CENPO: variants seen among roughly 807,000 people sequenced by gnomAD.
CENPO encodes centromeric protein O.
CENPO carries 30 observed loss-of-function variants against 36.1 expected under a neutral mutation model. That is an observed-to-expected ratio of 0.83 (90% CI 0.62 to 1.13). CENPO has a LOEUF of 1.13. Ranked by LOEUF, CENPO falls within the 50% of genes most tolerant of loss-of-function variation. The pLI, the probability that CENPO is intolerant of heterozygous loss-of-function variation, is 0.00. For synonymous variants in CENPO, 171 were observed against 142.3 expected (o/e 1.20, Z -1.44); for missense variants, 349 against 357.8 (o/e 0.98, Z 0.20).
At chr2:24,793,709 C>A in intron 1 of CENPO, 143 bp from the exon 2 acceptor site, 1 of 964,606 alleles carries the variant, frequency 1.0e-6, no homozygotes, top group Non-Finnish European at 1.6e-6. Flanking sequence ...TGGGAGAGGG[C>A]GGGCGGCTCA....
chr2:24,814,323 G>A (rs569435409), intron 3 of CENPO, 53 bp from the exon 4 acceptor site: 1 of 862,012 alleles, frequency 1.2e-6, no homozygotes, highest in South Asian at 1.3e-5. Flanking sequence ...GGAGGGCGGG[G>A]ATGTTGTAGT....
chr2:24,806,037 C>T (rs1445429939), intron 3 of CENPO, among the ~76,000 whole-genome samples: 1 of 152,212 alleles, frequency 6.6e-6, no homozygotes, highest in Non-Finnish European at 1.5e-5. Context: ...GCGCCCCTCC[C>T]CCAGCCTTGC....
intron 3 of CENPO, 22 bp downstream of exon 3, chr2:24,799,866 G>C (rs760424540): frequency 6.2e-7 from 1 of 1,611,316 alleles, no homozygotes; most frequent in South Asian, 1.1e-5. Context: ...GGTGGTATCA[G>C]CAGTTCCTTT....
At position 24,821,740 on chromosome 2, in the gene CENPO, C is replaced by A. The variant is rs1004633721; in HGVS notation, c.*2422C>A. On this transcript the variant is annotated 3_prime_UTR_variant, in exon 8 of 8. Coordinates refer to ENST00000380834, the MANE Select transcript of CENPO (RefSeq NM_001322101.2). ...GTGTTCTGGGGGTGGATTCCCTACACCTAGATGTTCAAGGCCTTACTTTTC... is the reference window on the plus strand; with the variant it reads ...GTGTTCTGGGGGTGGATTCCCTACAACTAGATGTTCAAGGCCTTACTTTTC... 1 of 1,511,922 alleles carries A rather than the reference C, an allele frequency of 6.6e-7. No homozygotes were observed. Among genetic ancestry groups the A allele is most frequent in the East Asian group, 2.3e-5 (1 of 43,670 alleles). The allele number at this position is 1,511,922 out of a possible 1,614,324, so 93.7% of individuals were successfully genotyped here. A position where few individuals can be genotyped will look rare whatever the true frequency, so the allele number is the denominator to read the frequency against.
chr2:24,819,148 TAA>T (rs1279423928), intron 7 of CENPO: 1 of 152,642 alleles, frequency 6.6e-6, no homozygotes, highest in African/African-American at 2.4e-5. Context: ...TAAGTGATAT[TAA>T]CAGAATTTCC....
At chr2:24,814,757 G>T (rs11125797) in intron 4 of CENPO, 77,388 of 409,624 alleles carry the variant, frequency 0.19, 8,177 homozygotes, top group Non-Finnish European at 0.22. Flanking sequence ...TTAACAGTTC[G>T]TCATGTGCCA....
intron 3 of CENPO, among the ~76,000 whole-genome samples, chr2:24,807,269 TCCTAGTCTTCTCTTAAGTCTTCTCTTAAG>T (rs1432126442): frequency 6.6e-6 from 1 of 151,974 alleles, no homozygotes; most frequent in Non-Finnish European, 1.5e-5. Flanking sequence ...GTTTGCCTCT[TCCTAGTCTTCTCTTAAGTCTTCTCTTAAG>T]GTACCCACTA....
chr2:24,820,699 GT>G lies in CENPO; in HGVS notation c.*1382del, dbSNP rs781240748. On this transcript the variant is annotated 3_prime_UTR_variant, in exon 8 of 8. Coordinates refer to ENST00000380834, the MANE Select transcript of CENPO (RefSeq NM_001322101.2). ...TTGTTCTCATGCCGAGTCTGAGCAC[GT>G]GCCAGCTGTGCCACTGGACATACCT... 9.9e-6 allele frequency: 16 copies of G among 1,613,382 alleles called. No individual in the cohort carries two copies. Among genetic ancestry groups the G allele is most frequent in the South Asian group, 2.2e-5 (2 of 91,008 alleles).
intron 2 of CENPO, among the ~76,000 whole-genome samples, chr2:24,798,128 C>T (rs1665992517): frequency 6.6e-6 from 1 of 152,092 alleles, no homozygotes; most frequent in South Asian, 2.1e-4. Flanking sequence ...AGTCCCAAAA[C>T]GTTCGGATAC....
In CENPO at chr2:24,820,856, A is replaced by G; in HGVS notation, c.*1538A>G. ...CCCCGCCTTTGTTCATGCCTAGGGT[A>G]GAGGCATAAAGTTCAGCACAGCCAC... On this transcript the variant is annotated 3_prime_UTR_variant, in exon 8 of 8. Coordinates refer to ENST00000380834, the MANE Select transcript of CENPO (RefSeq NM_001322101.2). 6 of 1,613,556 alleles carry G rather than the reference A, an allele frequency of 3.7e-6. No individual in the cohort carries two copies. The highest frequency in any genetic ancestry group is 5.1e-6 in the Non-Finnish European group (6 of 1,179,652).
In CENPO at chr2:24,822,256, A is replaced by AG; in HGVS notation, c.*2943dup. On this transcript the variant is annotated 3_prime_UTR_variant, in exon 8 of 8. Transcript: ENST00000380834. ...AGTTCCTATGAAAGCACAGAGCCTT[A>AG]GGGGGCCTGGCCACAGAACACAACC... 5.2e-6 allele frequency: 2 copies of AG among 387,016 alleles called. No homozygotes were observed. The highest frequency in any genetic ancestry group is 4.7e-6 in the Non-Finnish European group (1 of 214,366). 24.0% of individuals were successfully genotyped at this position (387,016 alleles called of 1,614,324 possible). A position where few individuals can be genotyped will look rare whatever the true frequency, so the allele number is the denominator to read the frequency against.
chr2:24,793,523 A>G, intron 1 of CENPO, 22 bp downstream of exon 1: 2 of 1,574,794 alleles, frequency 1.3e-6, no homozygotes, highest in Non-Finnish European at 1.7e-6. Context: ...GGGAGAAGGT[A>G]GGGGAAAGAC....
At position 24,816,643 on chromosome 2, in the gene CENPO, T is replaced by TA; in HGVS notation, c.595-2dup. The TA allele has an allele frequency of 3.7e-6, 6 of 1,602,856 alleles. No homozygotes were observed. The highest frequency in any genetic ancestry group is 5.1e-6 in the Non-Finnish European group (6 of 1,174,808). On this transcript the variant is annotated splice_region_variant and splice_polypyrimidine_tract_variant and intron_variant, in intron 5 of 7. Coordinates refer to ENST00000380834, the MANE Select transcript of CENPO (RefSeq NM_001322101.2). The stretch of plus-strand genomic sequence containing the variant: ...ACTTCGTTTTGTTCCTCACCCCTCT[T>TA]AGAGTGACTTTGCAGCCCTCCTGAC...
rs574176915 is a variant in CENPO at position 24,799,710 on chromosome 2, G to T, written c.82G>T (p.Val28Leu). The T allele has an allele frequency of 1.2e-6, 2 of 1,614,022 alleles. No homozygotes were observed. The highest frequency in any genetic ancestry group is 2.7e-5 in the African/African-American group (2 of 75,020). The change falls in exon 3 of 8, where the codon GTG becomes TTG. Residue 28 changes from valine to leucine, a missense_variant. Coordinates refer to ENST00000380834, the MANE Select transcript of CENPO (RefSeq NM_001322101.2). Reference sequence around the variant, plus strand: ...TCACTTGGAAAGGCTAGAGACCCAAGTGAGCAGATCCCGTAAACAGTCTGA... The same window carrying T: ...TCACTTGGAAAGGCTAGAGACCCAATTGAGCAGATCCCGTAAACAGTCTGA... Reference protein sequence around the residue: ...LAHLERLETQVSRSRKQSEEL... With the variant: ...LAHLERLETQLSRSRKQSEEL...
chr2:24,797,187 A>G (rs984234033), intron 2 of CENPO, among the ~76,000 whole-genome samples: 1 of 152,220 alleles, frequency 6.6e-6, no homozygotes, highest in Non-Finnish European at 1.5e-5. Context: ...TGTATATTCA[A>G]TAGGATCTGG....
Position 24,799,894 on chromosome 2 carries a change from CG to C in CENPO, c.216+51del, listed in dbSNP as rs764489411. 1.3e-5 allele frequency: 21 copies of C among 1,584,044 alleles called. No homozygotes were observed. The East Asian group carries it at 4.7e-4, about 36-fold the overall frequency. On this transcript the variant is annotated intron_variant, in intron 3 of 7. Transcript: ENST00000380834. The stretch of plus-strand genomic sequence containing the variant: ...GTTCCTTTAGAGTATAATGAACAAA[CG>C]TGATTTGGGAATTGGTGAATTGGCC...
chr2:24,819,788 C>T lies in CENPO; in HGVS notation c.*470C>T, dbSNP rs1572756215. Reference sequence around the variant, plus strand: ...AGCAGGGCCACCCTCAGAGCTCACACATCCACGAACAAATGAAGGCTGAGG... The same window carrying T: ...AGCAGGGCCACCCTCAGAGCTCACATATCCACGAACAAATGAAGGCTGAGG... On this transcript the variant is annotated 3_prime_UTR_variant, in exon 8 of 8. Transcript: ENST00000380834. 3.5e-6 allele frequency: 3 copies of T among 854,842 alleles called. No homozygotes were observed. The highest frequency in any genetic ancestry group is 5.5e-5 in the East Asian group (2 of 36,442). The allele number at this position is 854,842 out of a possible 1,614,324, so 53.0% of individuals were successfully genotyped here.
chr2:24,808,740 T>C (rs1456651330), intron 3 of CENPO, among the ~76,000 whole-genome samples: 1 of 152,246 alleles, frequency 6.6e-6, no homozygotes, highest in African/African-American at 2.4e-5. Flanking sequence ...AATATAATGC[T>C]AAATCTGACT....
intron 3 of CENPO, among the ~76,000 whole-genome samples, chr2:24,812,497 T>TTG (rs1490234408): frequency 2.6e-5 from 4 of 152,146 alleles, no homozygotes; most frequent in Non-Finnish European, 4.4e-5. Flanking sequence ...TAGTGCATCT[T>TTG]CTCAGTTTTT....
Sources: allele counts gnomAD v4.1 joint callset (sites outside exome capture counted in the v4.1 genomes callset), GRCh38; gene constraint gnomAD v4.1.1; transcripts MANE v1.5; gene names NCBI Gene and HGNC (gene_info 2026-07-23, HGNC 2026-07-21).